The following UBL3 variants were observed in gnomAD, a reference collection of about 807,000 sequenced individuals.
UBL3 encodes the protein ubiquitin like 3, also known as ubiquitin-like protein 3.
A neutral mutation model predicts 18.4 loss-of-function variants in UBL3; 6 were observed. The ratio of observed to expected loss-of-function variants is 0.33; its 90% CI spans 0.18 to 0.64. UBL3 has a LOEUF of 0.64. UBL3 is among the 30% of genes least tolerant of loss of function. UBL3 has a pLI of 0.76. For missense variants in UBL3, 109 were observed against 142.9 expected (o/e 0.76, Z 1.21); for synonymous variants, 49 against 46.6 (o/e 1.05, Z -0.21).
intron 1 of UBL3, among the ~76,000 whole-genome samples, chr13:29,832,326 C>A (rs1878797897): frequency 6.8e-6 from 1 of 146,078 alleles, no homozygotes; most frequent in Non-Finnish European, 1.5e-5. Context: ...ATCCTTTTAC[C>A]TAATTTCTTT....
At chr13:29,791,782 C>G (rs1877485740) in intron 1 of UBL3, among the ~76,000 whole-genome samples, 1 of 152,136 alleles carries the variant, frequency 6.6e-6, no homozygotes. Flanking sequence ...CTTTCACTCT[C>G]AAAAGTACCT....
At chr13:29,777,107 G>T in intron 2 of UBL3, 48 bp downstream of exon 2, 1 of 1,270,642 alleles carries the variant, frequency 7.9e-7, no homozygotes, top group Non-Finnish European at 1.0e-6. Flanking sequence ...GACAAGGTAG[G>T]GCATAAGAAT....
intron 1 of UBL3, among the ~76,000 whole-genome samples, chr13:29,826,124 C>T (rs1027161666): frequency 2.6e-5 from 4 of 152,214 alleles, no homozygotes; most frequent in East Asian, 1.9e-4. Flanking sequence ...ATTTTTGCAT[C>T]GATGTTCATC....
chr13:29,781,943 T>G (rs994639182), intron 1 of UBL3, among the ~76,000 whole-genome samples: 1 of 149,062 alleles, frequency 6.7e-6, no homozygotes, highest in African/African-American at 2.5e-5. Context: ...GCTGTGGGGA[T>G]ACAGTGCAAT....
intron 2 of UBL3, 99 bp downstream of exon 2, chr13:29,777,056 G>T (rs1877017329): frequency 2.1e-6 from 2 of 943,728 alleles, no homozygotes; most frequent in Non-Finnish European, 3.1e-6. Context: ...ATTTTCGGTT[G>T]TTCTTTTAAA....
chr13:29,819,173 G>A (rs1878361464), intron 1 of UBL3, among the ~76,000 whole-genome samples: 1 of 152,142 alleles, frequency 6.6e-6, no homozygotes, highest in African/African-American at 2.4e-5. Context: ...CTCTACTTCT[G>A]TATGTTTGAA....
chr13:29,847,825 G>T (rs1879266052), intron 1 of UBL3, among the ~76,000 whole-genome samples: 1 of 152,106 alleles, frequency 6.6e-6, no homozygotes, highest in Non-Finnish European at 1.5e-5. Flanking sequence ...ACCGCTCCCG[G>T]CAACTTCAAG....
chr13:29,777,120 A>T (rs1478683093), intron 2 of UBL3, 35 bp downstream of exon 2: 1 of 1,499,364 alleles, frequency 6.7e-7, no homozygotes, highest in African/African-American at 1.4e-5. Flanking sequence ...ATAAGAATCA[A>T]CATTATTCAT....
intron 1 of UBL3, among the ~76,000 whole-genome samples, chr13:29,798,619 G>T (rs1416509843): frequency 6.6e-6 from 1 of 152,048 alleles, no homozygotes; most frequent in Non-Finnish European, 1.5e-5. Context: ...TTATTATTTT[G>T]ATAATACAAG....
At chr13:29,768,194 C>T (rs1262349245) in intron 3 of UBL3, among the ~76,000 whole-genome samples, 1 of 151,994 alleles carries the variant, frequency 6.6e-6, no homozygotes, top group Non-Finnish European at 1.5e-5. Flanking sequence ...TAGAAAAGAA[C>T]TTTCTTAAAA....
At chr13:29,844,394 G>A (rs756349226) in intron 1 of UBL3, among the ~76,000 whole-genome samples, 6 of 152,242 alleles carry the variant, frequency 3.9e-5, no homozygotes, top group East Asian at 1.9e-4. Context: ...ATTAGGTGCC[G>A]AGGGTATTAT....
chr13:29,823,875 A>G (rs1184465718), intron 1 of UBL3, among the ~76,000 whole-genome samples: 2 of 80,168 alleles, frequency 2.5e-5, no homozygotes, highest in South Asian at 4.9e-4. Context: ...ATCCAACCAC[A>G]GGCCCCAGTG....
At chr13:29,843,499 C>G (rs569791899) in intron 1 of UBL3, among the ~76,000 whole-genome samples, 6 of 152,120 alleles carry the variant, frequency 3.9e-5, no homozygotes, top group Non-Finnish European at 8.8e-5. Flanking sequence ...ACCTGAAAAA[C>G]TTATCTTACA....
chr13:29,803,989 A>G (rs1308890468), intron 1 of UBL3, among the ~76,000 whole-genome samples: 1 of 151,936 alleles, frequency 6.6e-6, no homozygotes, highest in Non-Finnish European at 1.5e-5. Context: ...ATTCTTCAGA[A>G]TGTATATTCT....
chr13:29,800,004 TA>T (rs1234665358), intron 1 of UBL3, among the ~76,000 whole-genome samples: 10 of 151,690 alleles, frequency 6.6e-5, no homozygotes, highest in African/African-American at 2.4e-4. Flanking sequence ...GGACTGAGAA[TA>T]AAATTTTCTA....
intron 1 of UBL3, among the ~76,000 whole-genome samples, chr13:29,817,530 G>A (rs572131597): frequency 6.6e-6 from 1 of 152,170 alleles, no homozygotes; most frequent in Non-Finnish European, 1.5e-5. Flanking sequence ...ACAGGAAAGA[G>A]ACCAGAGGCA....
At chr13:29,777,531 A>G in intron 1 of UBL3, 3 of 557,324 alleles carry the variant, frequency 5.4e-6, no homozygotes, top group Non-Finnish European at 1.0e-5. Flanking sequence ...ACACTTTTAA[A>G]TTTAATCACT....
At chr13:29,786,012 G>C (rs1339019113) in intron 1 of UBL3, among the ~76,000 whole-genome samples, 3 of 152,162 alleles carry the variant, frequency 2.0e-5, no homozygotes, top group African/African-American at 7.2e-5. Context: ...GAGTGGTGTA[G>C]TATATTTCAG....
intron 1 of UBL3, among the ~76,000 whole-genome samples, chr13:29,791,122 T>A (rs1269962020): frequency 6.6e-6 from 1 of 152,204 alleles, no homozygotes; most frequent in African/African-American, 2.4e-5. Context: ...TTATTTCTGC[T>A]GAATTCTCCT....
Sources: gnomAD v4.1 joint callset for allele counts (sites outside exome capture counted in the v4.1 genomes callset) on GRCh38, gnomAD v4.1.1 for gene constraint, MANE v1.5 for transcripts, NCBI Gene and HGNC (gene_info 2026-07-23, HGNC 2026-07-21) for gene names.